Variants in CAPN15 observed in about 807,000 individuals in gnomAD.
The protein encoded by CAPN15 is calpain 15, also known as calpain-15.
A neutral mutation model predicts 97.9 loss-of-function variants in CAPN15; 53 were observed. That is an observed-to-expected ratio of 0.54 (90% CI 0.43 to 0.68). The LOEUF is 0.68. CAPN15 is among the 30% of genes least tolerant of loss of function. The pLI, the probability that CAPN15 is intolerant of heterozygous loss-of-function variation, is 0.00. For synonymous variants in CAPN15, 922 were observed against 722.5 expected (o/e 1.28, Z -4.43); for missense variants, 1,592 against 1,589.8 (o/e 1.00, Z -0.02).
intron 3 of CAPN15, 99 bp downstream of exon 3, chr16:536,241 G>C (rs2033710481): frequency 4.2e-6 from 1 of 238,106 alleles, no homozygotes. Flanking sequence ...CCGAGGTCTG[G>C]CCGGAGCCAG....
At chr16:533,823 C>T (rs2033452277) in intron 1 of CAPN15, 123 bp from the exon 2 acceptor site, 4 of 306,268 alleles carry the variant, frequency 1.3e-5, no homozygotes, top group African/African-American at 6.8e-5. Flanking sequence ...CGAAGGGTCT[C>T]CCGGGGCTGA....
In CAPN15 at chr16:554,300, T is replaced by C; in HGVS notation, c.*784T>C. 5.7e-6 allele frequency: 2 copies of C among 350,758 alleles called. No individual in the cohort carries two copies. Among genetic ancestry groups the C allele is most frequent in the South Asian group, 2.2e-5 (1 of 46,096 alleles). The allele number at this position is 350,758 out of a possible 1,614,324, so 21.7% of individuals were successfully genotyped here. A position where few individuals can be genotyped will look rare whatever the true frequency, so the allele number is the denominator to read the frequency against. On this transcript the variant is annotated 3_prime_UTR_variant, in exon 14 of 14. Transcript: ENST00000219611. ...CGGGCAGGGCTCAGCCGCTCCCACCTCCCCACAGAAGCCCAGGAGTGTGTG... is the reference window on the plus strand; with the variant it reads ...CGGGCAGGGCTCAGCCGCTCCCACCCCCCCACAGAAGCCCAGGAGTGTGTG...
chr16:533,182 C>T (rs1185094209), intron 1 of CAPN15, among the ~76,000 whole-genome samples: 3 of 152,210 alleles, frequency 2.0e-5, no homozygotes, highest in East Asian at 1.9e-4. Context: ...GATTGCACCA[C>T]TGCACCCCAG....
At chr16:533,864 G>A in intron 1 of CAPN15, 82 bp from the exon 2 acceptor site, 1 of 652,740 alleles carries the variant, frequency 1.5e-6, no homozygotes, top group Non-Finnish European at 1.9e-6. Flanking sequence ...TGCAGAGAGG[G>A]CTGGAGGCGG....
rs776621000 is a variant in CAPN15, at chr16:551,453, G to T, written c.2192+26G>T. 4 of 1,601,202 alleles carry T rather than the reference G, an allele frequency of 2.5e-6. No individual in the cohort carries two copies. The Admixed American group carries it at 6.7e-5, about 27-fold the overall frequency. On this transcript the variant is annotated intron_variant, in intron 8 of 13. Transcript: ENST00000219611. Reference sequence around the variant, plus strand: ...GTAGGGCCGGCCTGGCTGAGGGTGGGTGGGGTGCCGGTGAGACTCGGGCAG... The same window carrying T: ...GTAGGGCCGGCCTGGCTGAGGGTGGTTGGGGTGCCGGTGAGACTCGGGCAG...
rs1263445248 is a variant in CAPN15 at position 548,220 on chromosome 16, A to G, written c.1382A>G (p.Gln461Arg). ...CGCAGGGAGAGCATGCACGTGGAGC[A>G]GCGGCGGCAGACAGACGAGGGCGAG... ...LRRRESMHVE[Q>R]RRQTDEGEAK... Residue 461 changes from glutamine (Q) to arginine (R), a missense_variant, in exon 4 of 14, where the codon CAG (glutamine) becomes CGG (arginine). Coordinates refer to ENST00000219611, the MANE Select transcript of CAPN15 (RefSeq NM_005632.3). The G allele has an allele frequency of 3.2e-6, 5 of 1,549,946 alleles. No individual in the cohort carries two copies. The highest frequency in any genetic ancestry group is 4.8e-5 in the East Asian group (2 of 41,650).
chr16:538,947 T>TA, intron 3 of CAPN15: 1 of 97,960 alleles, frequency 1.0e-5, no homozygotes, highest in East Asian at 2.8e-4. Flanking sequence ...TCTTTGGTGC[T>TA]TTTTTTTTTT....
At chr16:537,066 C>A in intron 3 of CAPN15, 1 of 894,438 alleles carries the variant, frequency 1.1e-6, no homozygotes, top group Non-Finnish European at 1.3e-6. Context: ...GCTGGAAAAA[C>A]CCCGGAGAGG....
chr16:548,922 G>A, intron 4 of CAPN15, 71 bp from the exon 5 acceptor site: 2 of 1,410,470 alleles, frequency 1.4e-6, no homozygotes, highest in Non-Finnish European at 2.0e-6. Flanking sequence ...TCTCCTGGGT[G>A]GGGTCTTGTC....
chr16:546,161 G>C (rs919257656), intron 3 of CAPN15, among the ~76,000 whole-genome samples: 2 of 152,266 alleles, frequency 1.3e-5, no homozygotes, highest in African/African-American at 2.4e-5. Flanking sequence ...GCATCACGGA[G>C]TTCGCTCGGC....
intron 3 of CAPN15, chr16:540,337 C>T (rs2034029661): frequency 1.5e-5 from 15 of 985,554 alleles, no homozygotes; most frequent in Non-Finnish European, 1.6e-5. Context: ...CCTGGTCAGC[C>T]GGCAGCACCA....
Position 549,688 on chromosome 16 carries a change from TCCAGGCGGGCCGCG to T in CAPN15, c.1920_1933del (p.Gln640HisfsTer13). 6.4e-7 allele frequency: 1 copy of T among 1,562,996 alleles called. No homozygotes were observed. Among genetic ancestry groups the T allele is most frequent in the Non-Finnish European group, 8.6e-7 (1 of 1,157,082 alleles). ...AAGCTGCACGGCTCCTACTTTGCGC[TCCAGGCGGGCCGCG>T]CCATCGAAGGCCTGGCCACGCTCAC... On this transcript the variant is annotated frameshift_variant, in exon 7 of 14. Transcript: ENST00000219611. LOFTEE classifies it high-confidence loss of function.
rs200671046 is a variant in CAPN15, at chr16:547,742, G to T, written c.904G>T (p.Ala302Ser). 2 of 1,606,458 alleles carry T rather than the reference G, an allele frequency of 1.2e-6. No individual in the cohort carries two copies. Among genetic ancestry groups the T allele is most frequent in the Non-Finnish European group, 1.7e-6 (2 of 1,176,010 alleles). ...GCGGCTGAGTGTGCTGGAGGAAGAG[G>T]CCACGGAGGGTGGCACCAGCCGCGT... ...GKRLSVLEEEATEGGTSRVEA... is the reference protein window; with the variant it reads ...GKRLSVLEEESTEGGTSRVEA... Residue 302 changes from alanine (A) to serine (S), a missense_variant, in exon 4 of 14, where the codon GCC (alanine) becomes TCC (serine). Transcript: ENST00000219611.
In CAPN15 at chr16:552,436, C is replaced by T; in HGVS notation, c.2643C>T (p.Ser881=). ...HSKRAVKKFV[S]CDVMLEPGEY... The stretch of plus-strand genomic sequence containing the variant: ...AGCGCGCGGTCAAGAAGTTCGTCAG[C>T]TGCGACGTCATGCTGGAGCCTGGCG... The change falls in exon 11 of 14, where the codon AGC becomes AGT. Residue 881 remains serine (S), a synonymous_variant. Transcript: ENST00000219611. The surrounding 1 kb of genome is among the most constrained non-coding windows in gnomAD (Gnocchi z 6.4). 1.2e-6 allele frequency: 2 copies of T among 1,610,206 alleles called. No homozygotes were observed. Among genetic ancestry groups the T allele is most frequent in the Non-Finnish European group, 1.7e-6 (2 of 1,179,656 alleles).
At chr16:532,188 C>T (rs1309909439) in intron 1 of CAPN15, among the ~76,000 whole-genome samples, 6 of 145,918 alleles carry the variant, frequency 4.1e-5, no homozygotes, top group Admixed American at 3.5e-4. Context: ...TGCAGTTAGC[C>T]GGGATGGCAC....
intron 9 of CAPN15, 177 bp from the exon 10 acceptor site, chr16:551,874 C>T (rs780252291): frequency 2.9e-5 from 28 of 974,410 alleles, no homozygotes; most frequent in Non-Finnish European, 4.0e-5. Flanking sequence ...AGAGCCGGCC[C>T]TGGAGGGCTT....
Position 547,170 on chromosome 16 carries a change from CG to C in CAPN15, c.336del (p.Leu113TrpfsTer174). Reference protein sequence around the residue: ...CQEEAGPVRTAGLVATEPARG... With the variant: ...CQEEAGPVRTXGLVATEPARG... ...GAGGAAGCAGGTCCAGTGAGGACTGCGGGGCTGGTGGCCACGGAGCCCGCCA... is the reference window on the plus strand; with the variant it reads ...GAGGAAGCAGGTCCAGTGAGGACTGCGGGCTGGTGGCCACGGAGCCCGCCA... On this transcript the variant is annotated frameshift_variant, in exon 4 of 14. Coordinates refer to ENST00000219611, the MANE Select transcript of CAPN15 (RefSeq NM_005632.3). LOFTEE classifies it high-confidence loss of function. The C allele has an allele frequency of 6.5e-7, 1 of 1,540,668 alleles. No homozygotes were observed.
rs747547391 is a variant in CAPN15 at position 547,390 on chromosome 16, C to A, written c.552C>A (p.Val184=). The A allele has an allele frequency of 2.4e-5, 38 of 1,561,078 alleles. No homozygotes were observed. The highest frequency in any genetic ancestry group is 3.2e-5 in the Non-Finnish European group (37 of 1,160,728). Reference sequence around the variant, plus strand: ...GGATCCCTCCTGAGGCCCTGGTGGTCCCGGAAGTGGTGGCCCCGGCCGGCT... The same window carrying A: ...GGATCCCTCCTGAGGCCCTGGTGGTACCGGAAGTGGTGGCCCCGGCCGGCT... The part of the protein sequence containing the change: ...LPRIPPEALV[V]PEVVAPAGFH... Residue 184 remains valine (V), a synonymous_variant, in exon 4 of 14, where the codon GTC becomes GTA. Transcript: ENST00000219611.
rs745893139 is a variant in CAPN15 at position 547,662 on chromosome 16, C to G, written c.824C>G (p.Pro275Arg). ...PSPSAGCRGA[P>R]QGSGWAGASR... ...CCCTCTGCCGGCTGCAGGGGAGCCC[C>G]CCAGGGCTCGGGCTGGGCTGGGGCC... Residue 275 changes from proline (P) to arginine (R), a missense_variant, in exon 4 of 14, where the codon CCC becomes CGC. Coordinates refer to ENST00000219611, the MANE Select transcript of CAPN15 (RefSeq NM_005632.3). The G allele has an allele frequency of 2.2e-5, 34 of 1,578,502 alleles. No homozygotes were observed. The highest frequency in any genetic ancestry group is 2.8e-5 in the Non-Finnish European group (32 of 1,161,870).
Sources: allele counts gnomAD v4.1 joint callset (sites outside exome capture counted in the v4.1 genomes callset), GRCh38; gene constraint gnomAD v4.1.1; non-coding constraint Gnocchi (gnomAD v3.1); transcripts MANE v1.5; gene names NCBI Gene and HGNC (gene_info 2026-07-23, HGNC 2026-07-21).